Variants in LARP4B observed in about 807,000 individuals in gnomAD.
LARP4B encodes La ribonucleoprotein 4B.
In LARP4B, 12 loss-of-function variants were observed where a neutral mutation model predicts 89.8. The ratio of observed to expected loss-of-function variants is 0.13; its 90% CI spans 0.09 to 0.22. LARP4B has a LOEUF of 0.22. Among genes scored for constraint, LARP4B ranks in the 10% least tolerant of loss-of-function variants. The probability of loss-of-function intolerance (pLI) is 1.00; values close to 1 mark genes in which losing one functional copy is unlikely to be tolerated. For missense variants in LARP4B, 757 were observed against 947.7 expected, an observed-to-expected ratio of 0.80 and a Z score of 2.64; for synonymous variants, 367 against 363.3, an observed-to-expected ratio of 1.01 and a Z score of -0.12.
intron 1 of LARP4B, among the ~76,000 whole-genome samples, chr10:926,725 G>A (rs1296082695): frequency 6.6e-6 from 1 of 152,200 alleles, no homozygotes; most frequent in African/African-American, 2.4e-5. Flanking sequence ...AAAAAACTAA[G>A]CAGTACGCTT....
Position 836,449 on chromosome 10 carries a change from C to A in LARP4B, c.704G>T (p.Arg235Leu), listed in dbSNP as rs770903779. ...TATTTCACGCAATATTACTATGCAGCGATTTTGATTTGGCCTTACTTTTTC... is the reference window on the plus strand; with the variant it reads ...TATTTCACGCAATATTACTATGCAGAGATTTTGATTTGGCCTTACTTTTTC... The part of the protein sequence containing the change: ...KGEKVRPNQN[R>L]CIVILREISE... Residue 235 changes from arginine to leucine, a missense_variant, in exon 8 of 18, where the codon CGC becomes CTC. This residue lies in a region of LARP4B where 4 missense variants were observed against 27.3 expected (regional missense o/e 0.15). Transcript: ENST00000316157. 6.2e-7 allele frequency: 1 copy of A among 1,613,312 alleles called. No homozygotes were observed. Among genetic ancestry groups the A allele is most frequent in the East Asian group, 2.2e-5 (1 of 44,810 alleles).
intron 5 of LARP4B, among the ~76,000 whole-genome samples, chr10:851,193 T>C (rs1834032363): frequency 6.7e-6 from 1 of 150,080 alleles, no homozygotes; most frequent in South Asian, 2.1e-4. Context: ...TTTTTTTTTT[T>C]TTTTTTTTGA....
chr10:926,732 G>A (rs181317588), intron 1 of LARP4B, among the ~76,000 whole-genome samples: 18 of 152,276 alleles, frequency 1.2e-4, no homozygotes, highest in Non-Finnish European at 8.8e-5. Flanking sequence ...TAAGCAGTAC[G>A]CTTTCAAATT....
chr10:905,300 A>G (rs1335774797), intron 1 of LARP4B, among the ~76,000 whole-genome samples: 3 of 152,246 alleles, frequency 2.0e-5, no homozygotes, highest in Non-Finnish European at 4.4e-5. Flanking sequence ...ATAAGTGGTG[A>G]TAAAATACAC....
intron 1 of LARP4B, among the ~76,000 whole-genome samples, chr10:888,140 C>T (rs868534157): frequency 9.2e-5 from 14 of 151,760 alleles, no homozygotes; most frequent in South Asian, 8.3e-4. Context: ...GCCAACATGG[C>T]GAAACCCCAT....
intron 5 of LARP4B, among the ~76,000 whole-genome samples, chr10:853,648 C>T (rs1429261259): frequency 4.6e-5 from 7 of 152,228 alleles, no homozygotes; most frequent in African/African-American, 1.4e-4. Context: ...CATGCCACTG[C>T]ACTCCAGCCT....
Position 810,989 on chromosome 10 carries a change from C to G in LARP4B, c.*1937G>C, listed in dbSNP as rs1831726534. 6.6e-6 allele frequency: 1 copy of G among 152,214 alleles called. No individual in the cohort carries two copies. Among genetic ancestry groups the G allele is most frequent in the Non-Finnish European group, 1.5e-5 (1 of 68,036 alleles). 9.4% of individuals were successfully genotyped at this position (152,214 alleles called of 1,614,324 possible). A position where few individuals can be genotyped will look rare whatever the true frequency, so the allele number is the denominator to read the frequency against. On this transcript the variant is annotated 3_prime_UTR_variant, in exon 18 of 18. Coordinates refer to ENST00000316157, the MANE Select transcript of LARP4B (RefSeq NM_015155.3). Reference sequence around the variant, plus strand: ...GCTGCAGGTGATTTAAATTAGATTACTAGTCACCTTCACTTACGATCCTGC... The same window carrying G: ...GCTGCAGGTGATTTAAATTAGATTAGTAGTCACCTTCACTTACGATCCTGC...
intron 4 of LARP4B, 88 bp downstream of exon 4, chr10:864,035 G>GAAC (rs1834763995): frequency 1.9e-6 from 3 of 1,577,042 alleles, no homozygotes; most frequent in Non-Finnish European, 2.6e-6. Flanking sequence ...AGTTATGAAT[G>GAAC]AACAACATCT....
intron 3 of LARP4B, among the ~76,000 whole-genome samples, chr10:876,245 G>A (rs186228348): frequency 3.0e-3 from 464 of 152,260 alleles, no homozygotes; most frequent in Non-Finnish European, 5.4e-3. Context: ...TTAGCCGGGT[G>A]TGGTGGTGCA....
At chr10:927,427 CTTCTT>C (rs1445105668) in intron 1 of LARP4B, among the ~76,000 whole-genome samples, 1 of 152,172 alleles carries the variant, frequency 6.6e-6, no homozygotes, top group Non-Finnish European at 1.5e-5. Context: ...ATTTATCTCC[CTTCTT>C]TTGAGAACCT....
chr10:913,783 C>A (rs1365415982), intron 1 of LARP4B, among the ~76,000 whole-genome samples: 1 of 152,186 alleles, frequency 6.6e-6, no homozygotes, highest in Non-Finnish European at 1.5e-5. Context: ...GCAGCGCACG[C>A]CTGTAGTCCC....
At chr10:833,980 T>C (rs1265827408) in intron 8 of LARP4B, among the ~76,000 whole-genome samples, 1 of 151,012 alleles carries the variant, frequency 6.6e-6, no homozygotes, top group African/African-American at 2.4e-5. Context: ...ACTTTAAATA[T>C]GAAAACACAA....
At chr10:884,316 C>G in intron 3 of LARP4B, 131 bp downstream of exon 3, 2 of 711,944 alleles carry the variant, frequency 2.8e-6, no homozygotes, top group East Asian at 5.4e-5. Flanking sequence ...ATGAATGGAT[C>G]CCCTACCACA....
At chr10:834,981 A>C (rs1184886177) in intron 8 of LARP4B, among the ~76,000 whole-genome samples, 1 of 150,844 alleles carries the variant, frequency 6.6e-6, no homozygotes, top group Non-Finnish European at 1.5e-5. Flanking sequence ...TGGAGGTTGC[A>C]GTGAGCCGAG....
At chr10:943,149 G>C in the LARP4B span, among the ~76,000 whole-genome samples, 2 of 152,050 alleles carry the variant, frequency 1.3e-5, no homozygotes, top group Non-Finnish European at 2.9e-5. Flanking sequence ...GTTTCGTCAT[G>C]TTGCCCAGGT....
At chr10:951,654 T>C in the LARP4B span, among the ~76,000 whole-genome samples, 1 of 152,282 alleles carries the variant, frequency 6.6e-6, no homozygotes, top group African/African-American at 2.4e-5. Flanking sequence ...TCCAGGGTGA[T>C]GTTGCATCCC....
At chr10:963,576 C>G in the LARP4B span, among the ~76,000 whole-genome samples, 1 of 152,116 alleles carries the variant, frequency 6.6e-6, no homozygotes, top group African/African-American at 2.4e-5. Flanking sequence ...GGTTATGGTC[C>G]CCATCTTCCA....
the LARP4B span, among the ~76,000 whole-genome samples, chr10:979,594 T>C: frequency 2.0e-5 from 3 of 152,212 alleles, no homozygotes; most frequent in African/African-American, 7.2e-5. Context: ...GTCCTATGAA[T>C]TGTGATGGCT....
chr10:840,594 T>G (rs983422518), intron 7 of LARP4B, among the ~76,000 whole-genome samples: 13 of 152,230 alleles, frequency 8.5e-5, no homozygotes, highest in African/African-American at 3.1e-4. Context: ...TATTTTAGCA[T>G]GTCTTTTTAA....
Sources: gnomAD v4.1 joint callset for allele counts (sites outside exome capture counted in the v4.1 genomes callset) on GRCh38, gnomAD v4.1.1 for gene constraint, gnomAD v4.1.1 regional missense constraint, MANE v1.5 for transcripts, NCBI Gene and HGNC (gene_info 2026-07-23, HGNC 2026-07-21) for gene names.